Variants in BCAT1 observed in about 807,000 individuals in gnomAD.
BCAT1 encodes branched chain amino acid transaminase 1.
A neutral mutation model predicts 52.4 loss-of-function variants in BCAT1; 48 were observed. That is an observed-to-expected ratio of 0.92 (90% CI 0.73 to 1.16). BCAT1 has a LOEUF of 1.16. BCAT1 is among the 50% of genes most tolerant of loss of function. BCAT1 has a pLI of 0.00. For missense variants in BCAT1, 451 were observed against 457.1 expected, an observed-to-expected ratio of 0.99 and a Z score of 0.12; for synonymous variants, 167 against 161.3, an observed-to-expected ratio of 1.04 and a Z score of -0.27.
intron 1 of BCAT1, among the ~76,000 whole-genome samples, chr12:24,927,116 T>C (rs896850961): frequency 9.2e-5 from 14 of 152,200 alleles, no homozygotes; most frequent in African/African-American, 3.4e-4. Flanking sequence ...ACAATAGTCA[T>C]TTGCTTTGAG....
intron 9 of BCAT1, among the ~76,000 whole-genome samples, chr12:24,832,198 G>C (rs540893798): frequency 6.6e-6 from 1 of 152,282 alleles, no homozygotes; most frequent in South Asian, 2.1e-4. Flanking sequence ...GGAAGGAAGA[G>C]AGAAGAGTAG....
chr12:24,830,024 T>G, intron 9 of BCAT1, 127 bp from the exon 10 acceptor site: 2 of 593,070 alleles, frequency 3.4e-6, no homozygotes, highest in Non-Finnish European at 5.6e-6. Context: ...CACTAAAACC[T>G]ACTGACTCTG....
chr12:24,816,332 T>C lies in BCAT1; in HGVS notation c.*1676A>G. ...TAAAATATGTTCAGCAAGAAGGAAG[T>C]TATGAGGACTGAGGGAAACCAAAAT... On this transcript the variant is annotated 3_prime_UTR_variant, in exon 11 of 11. Transcript: ENST00000261192. 1 of 394,518 alleles carries C rather than the reference T, an allele frequency of 2.5e-6. No individual in the cohort carries two copies. The highest frequency in any genetic ancestry group is 2.1e-5 in the African/African-American group (1 of 48,576). 24.4% of individuals were successfully genotyped at this position (394,518 alleles called of 1,614,324 possible). A position where few individuals can be genotyped will look rare whatever the true frequency, so the allele number is the denominator to read the frequency against.
intron 10 of BCAT1, among the ~76,000 whole-genome samples, chr12:24,826,981 G>A (rs192520418): frequency 7.2e-4 from 110 of 152,100 alleles, no homozygotes; most frequent in African/African-American, 2.6e-3. Context: ...TTTATATGTT[G>A]ATTTTATATC....
intron 1 of BCAT1, among the ~76,000 whole-genome samples, chr12:24,919,722 T>C (rs1294500991): frequency 1.3e-5 from 2 of 152,206 alleles, no homozygotes; most frequent in African/African-American, 2.4e-5. Flanking sequence ...CTTACTGATA[T>C]GGGTTAGCTA....
chr12:24,841,196 T>C (rs1941163969), intron 7 of BCAT1, among the ~76,000 whole-genome samples: 2 of 152,220 alleles, frequency 1.3e-5, no homozygotes, highest in South Asian at 4.1e-4. Flanking sequence ...AATCCCAAGA[T>C]ACATTGATTT....
chr12:24,933,429 T>G (rs552026988), intron 1 of BCAT1, among the ~76,000 whole-genome samples: 2 of 152,278 alleles, frequency 1.3e-5, no homozygotes, highest in East Asian at 3.9e-4. Context: ...TCCCAGTTTG[T>G]GCTCATAACC....
chr12:24,928,053 C>A (rs1179111001), intron 1 of BCAT1, among the ~76,000 whole-genome samples: 2 of 152,164 alleles, frequency 1.3e-5, no homozygotes, highest in Admixed American at 6.5e-5. Context: ...CCACCACCAG[C>A]CCCCAGCAAG....
chr12:24,934,341 G>A (rs1041310039), intron 1 of BCAT1, among the ~76,000 whole-genome samples: 13 of 152,148 alleles, frequency 8.5e-5, no homozygotes, highest in Non-Finnish European at 1.6e-4. Flanking sequence ...ATGATGAACT[G>A]TAATTCAGTT....
intron 3 of BCAT1, among the ~76,000 whole-genome samples, chr12:24,881,930 C>T (rs950010258): frequency 8.5e-5 from 13 of 152,130 alleles, no homozygotes; most frequent in African/African-American, 2.7e-4. Flanking sequence ...TATGTTAAGC[C>T]ACGTCACCTC....
At chr12:24,828,556 T>C (rs1394014359) in intron 10 of BCAT1, among the ~76,000 whole-genome samples, 1 of 152,200 alleles carries the variant, frequency 6.6e-6, no homozygotes. Context: ...AAAAAAATTA[T>C]GGTACATCAA....
At chr12:24,927,841 A>G (rs767732008) in intron 1 of BCAT1, among the ~76,000 whole-genome samples, 40 of 152,244 alleles carry the variant, frequency 2.6e-4, no homozygotes, top group South Asian at 8.3e-4. Flanking sequence ...AAATAGTTTT[A>G]TTTTTCTCTC....
intron 5 of BCAT1, among the ~76,000 whole-genome samples, chr12:24,863,082 T>C (rs1228767010): frequency 1.3e-5 from 2 of 152,172 alleles, no homozygotes. Flanking sequence ...ATTTAACACT[T>C]GATAAAAAGG....
chr12:24,909,014 A>G (rs992938208), intron 1 of BCAT1, among the ~76,000 whole-genome samples: 4 of 152,214 alleles, frequency 2.6e-5, no homozygotes, highest in African/African-American at 9.6e-5. Context: ...TGCTCAGTAC[A>G]TGTTAGCTAG....
chr12:24,855,447 C>G (rs970863683), intron 5 of BCAT1, among the ~76,000 whole-genome samples: 2 of 152,162 alleles, frequency 1.3e-5, no homozygotes, highest in African/African-American at 4.8e-5. Flanking sequence ...GTGGCGCAAT[C>G]TTGGCTCACT....
In BCAT1 at chr12:24,834,739, T is replaced by C. The variant is rs760655040; in HGVS notation, c.903+1772A>G. ...TTCTCTCAGTCTACAATTGCAATTA[T>C]GTTGTTCAAAAGTAAATGAACTGCA... On this transcript the variant is annotated intron_variant, in intron 8 of 10. Transcript: ENST00000261192. 10 of 1,128,308 alleles carry C rather than the reference T, an allele frequency of 8.9e-6. 1 individual carries two copies. Among genetic ancestry groups the C allele is most frequent in the African/African-American group, 1.7e-5 (1 of 59,534 alleles). 69.9% of individuals were successfully genotyped at this position (1,128,308 alleles called of 1,614,324 possible).
In BCAT1 at chr12:24,889,078, C is replaced by T. The variant is rs141279526; in HGVS notation, c.279+5197G>A. On this transcript the variant is annotated intron_variant, in intron 3 of 10. Coordinates refer to ENST00000261192, the MANE Select transcript of BCAT1 (RefSeq NM_005504.7). ...TTAGCCCTAAGTAAATCAGACACTT[C>T]CTCCTCAAACCTGACTATAAAATCC... Among the ~76,000 whole-genome samples, 16 of 152,302 alleles carry T rather than the reference C, an allele frequency of 1.1e-4. No individual in the cohort carries two copies. In the South Asian group the frequency reaches 1.7e-3, roughly 16 times the overall value.
At chr12:24,841,622 G>A (rs1212933790) in intron 7 of BCAT1, among the ~76,000 whole-genome samples, 1 of 152,182 alleles carries the variant, frequency 6.6e-6, no homozygotes, top group Non-Finnish European at 1.5e-5. Context: ...TCGAAACTCG[G>A]CCGGGTGCAG....
At chr12:24,841,429 T>TCTCA (rs1338563919) in intron 7 of BCAT1, among the ~76,000 whole-genome samples, 1 of 152,200 alleles carries the variant, frequency 6.6e-6, no homozygotes, top group Non-Finnish European at 1.5e-5. Flanking sequence ...GAGACCTGTG[T>TCTCA]CTCAATGCAA....
Sources: allele counts gnomAD v4.1 joint callset (sites outside exome capture counted in the v4.1 genomes callset), GRCh38; gene constraint gnomAD v4.1.1; transcripts MANE v1.5; gene names NCBI Gene and HGNC (gene_info 2026-07-23, HGNC 2026-07-21).